The following PKNOX2 variants were observed in gnomAD, a reference collection of about 807,000 sequenced individuals.
The protein encoded by PKNOX2 is homeobox protein PKNOX2.
Under a neutral mutation model 53.1 loss-of-function variants are expected in PKNOX2, and 14 were observed. The observed-to-expected ratio is 0.26, with a 90% CI of 0.17 to 0.41. The LOEUF is 0.41. PKNOX2 is among the 10% of genes least tolerant of loss of function. The probability of loss-of-function intolerance (pLI) is 1.00; values close to 1 mark genes in which losing one functional copy is unlikely to be tolerated. For missense variants in PKNOX2, 496 were observed against 602.8 expected (o/e 0.82, Z 1.85); for synonymous variants, 257 against 242.8 (o/e 1.06, Z -0.54).
intron 1 of PKNOX2, among the ~76,000 whole-genome samples, chr11:125,200,301 C>A (rs7104313): frequency 0.19 from 28,588 of 152,108 alleles, 2,693 homozygotes; most frequent in African/African-American, 0.2. Context: ...TAGAAAGGAC[C>A]AGGCCAGCTT....
At chr11:125,419,265 G>A (rs1003157556) in intron 10 of PKNOX2, among the ~76,000 whole-genome samples, 3 of 151,836 alleles carry the variant, frequency 2.0e-5, no homozygotes, top group East Asian at 1.9e-4. Flanking sequence ...CTCATAGGTT[G>A]TTGTGAGAAT....
At chr11:125,411,353 G>A (rs148149384) in intron 9 of PKNOX2, 27 of 363,222 alleles carry the variant, frequency 7.4e-5, no homozygotes, top group Non-Finnish European at 1.3e-4. Context: ...GGATAGGAAA[G>A]TGCTTTGCAA....
chr11:125,213,688 GC>G (rs1209706557), intron 1 of PKNOX2, among the ~76,000 whole-genome samples: 1 of 152,044 alleles, frequency 6.6e-6, no homozygotes, highest in Non-Finnish European at 1.5e-5. Flanking sequence ...GAACTCTTGG[GC>G]TCAAGTGATC....
intron 3 of PKNOX2, among the ~76,000 whole-genome samples, chr11:125,340,630 A>G (rs1165566389): frequency 6.6e-6 from 1 of 152,192 alleles, no homozygotes; most frequent in Non-Finnish European, 1.5e-5. Context: ...GTTGTTATTA[A>G]TTCTATATTA....
chr11:125,348,792 T>C (rs1296041007), intron 3 of PKNOX2, among the ~76,000 whole-genome samples: 2 of 152,212 alleles, frequency 1.3e-5, no homozygotes, highest in Non-Finnish European at 2.9e-5. Flanking sequence ...TTCCTTTGTT[T>C]TGCCTTCATT....
At chr11:125,181,710 C>T (rs1309407018) in intron 1 of PKNOX2, among the ~76,000 whole-genome samples, 4 of 152,178 alleles carry the variant, frequency 2.6e-5, no homozygotes, top group Admixed American at 2.6e-4. Flanking sequence ...TCTTGGTGAG[C>T]CCCTCAGGAT....
intron 2 of PKNOX2, among the ~76,000 whole-genome samples, chr11:125,267,569 T>A (rs1286196373): frequency 6.6e-6 from 1 of 152,240 alleles, no homozygotes; most frequent in Non-Finnish European, 1.5e-5. Flanking sequence ...TTTAAAGGGA[T>A]GGCCTGACTC....
intron 2 of PKNOX2, among the ~76,000 whole-genome samples, chr11:125,320,238 T>C (rs1203106222): frequency 1.3e-5 from 2 of 152,246 alleles, no homozygotes; most frequent in Admixed American, 6.5e-5. Context: ...CTAGGAACCA[T>C]AGAAATAAGC....
chr11:125,256,033 C>G (rs983312651), intron 2 of PKNOX2, among the ~76,000 whole-genome samples: 1 of 151,988 alleles, frequency 6.6e-6, no homozygotes, highest in African/African-American at 2.4e-5. Flanking sequence ...CTCTGATGCT[C>G]CTCGGCCCTG....
chr11:125,398,125 G>A lies in PKNOX2; in HGVS notation c.588+63G>A, dbSNP rs377055199. ...CTCCTAAGCCCAGCTCTGGAGCCAC[G>A]CGTGGAGGAAGGTCCCCTGGTGACC... On this transcript the variant is annotated intron_variant, in intron 7 of 12. Coordinates refer to ENST00000298282, the MANE Select transcript of PKNOX2 (RefSeq NM_001382323.2). The A allele has an allele frequency of 2.2e-4, 326 of 1,503,548 alleles. 1 individual carries two copies. The highest frequency in any genetic ancestry group is 9.5e-4 in the African/African-American group (68 of 71,470). 93.1% of individuals were successfully genotyped at this position (1,503,548 alleles called of 1,614,324 possible).
chr11:125,228,046 G>GGCAT (rs60016031), intron 1 of PKNOX2, among the ~76,000 whole-genome samples: 25,280 of 152,066 alleles, frequency 0.17, 2,700 homozygotes, highest in East Asian at 0.26. Flanking sequence ...TCAGTGGCAT[G>GGCAT]GCATGACCTT....
At chr11:125,296,554 T>C (rs916733944) in intron 2 of PKNOX2, among the ~76,000 whole-genome samples, 2 of 152,212 alleles carry the variant, frequency 1.3e-5, no homozygotes, top group African/African-American at 2.4e-5. Context: ...TGACTCCTGG[T>C]GCTCTTGATC....
intron 1 of PKNOX2, among the ~76,000 whole-genome samples, chr11:125,195,536 G>C (rs1159578707): frequency 6.6e-6 from 1 of 152,050 alleles, no homozygotes; most frequent in South Asian, 2.1e-4. Context: ...GGCCAAAAGA[G>C]GAGAGGTTTG....
At position 125,395,537 on chromosome 11, in the gene PKNOX2, C is replaced by T. The variant is rs553495664; in HGVS notation, c.400-2337C>T. Among the ~76,000 whole-genome samples the T allele has an allele frequency of 3.9e-5, 6 of 152,330 alleles. No individual in the cohort carries two copies. In the East Asian group the frequency reaches 1.2e-3, roughly 29 times the overall value. Reference sequence around the variant, plus strand: ...TGGCTGTACCATTTTACACTCTTAACAGCAATGTCTGAGTGTTCTAGTCTC... The same window carrying T: ...TGGCTGTACCATTTTACACTCTTAATAGCAATGTCTGAGTGTTCTAGTCTC... On this transcript the variant is annotated intron_variant, in intron 6 of 12. Coordinates refer to ENST00000298282, the MANE Select transcript of PKNOX2 (RefSeq NM_001382323.2).
chr11:125,222,613 A>ATG (rs796746459), intron 1 of PKNOX2, among the ~76,000 whole-genome samples: 2,068 of 99,338 alleles, frequency 0.021, 48 homozygotes, highest in African/African-American at 0.075. Context: ...GTCTGTGTGT[A>ATG]TGTGTGTGTA....
chr11:125,260,883 G>A (rs1944793542), intron 2 of PKNOX2, among the ~76,000 whole-genome samples: 1 of 152,220 alleles, frequency 6.6e-6, no homozygotes, highest in Non-Finnish European at 1.5e-5. Flanking sequence ...GAGGCCTTGT[G>A]GAGAAGTGGG....
At position 125,432,921 on chromosome 11, in the gene PKNOX2, G is replaced by T. The variant is rs898154901; in HGVS notation, c.*1529G>T. The T allele has an allele frequency of 5.2e-5, 8 of 152,766 alleles. No individual in the cohort carries two copies. The highest frequency in any genetic ancestry group is 3.4e-3 in the Middle Eastern group (1 of 294). The allele number at this position is 152,766 out of a possible 1,614,324, so 9.5% of individuals were successfully genotyped here. A position where few individuals can be genotyped will look rare whatever the true frequency, so the allele number is the denominator to read the frequency against. ...GGGGCTTCCCCTCCCCCACCTGGTT[G>T]GGGTAGAGCAAAAGGATGGTCACTC... On this transcript the variant is annotated 3_prime_UTR_variant, in exon 13 of 13. Coordinates refer to ENST00000298282, the MANE Select transcript of PKNOX2 (RefSeq NM_001382323.2).
At position 125,211,640 on chromosome 11, in the gene PKNOX2, G is replaced by C. The variant is rs535868593; in HGVS notation, c.-200-23405G>C. ...AATGTGGCCTTGGTCTTCTGGGCCT[G>C]CCCTCCTGGCCCCTGCAGCTTCCAG... On this transcript the variant is annotated intron_variant, in intron 1 of 12. Coordinates refer to ENST00000298282, the MANE Select transcript of PKNOX2 (RefSeq NM_001382323.2). Among the ~76,000 whole-genome samples the C allele has an allele frequency of 1.2e-4, 19 of 152,238 alleles. No homozygotes were observed. In the East Asian group the frequency reaches 3.7e-3, roughly 29 times the overall value.
intron 1 of PKNOX2, among the ~76,000 whole-genome samples, chr11:125,169,403 G>A (rs118104332): frequency 2.0e-5 from 3 of 152,308 alleles, no homozygotes; most frequent in East Asian, 1.9e-4. Context: ...GGATTGTTGC[G>A]ATGGGGATCT....
Sources: gnomAD v4.1 joint callset for allele counts (sites outside exome capture counted in the v4.1 genomes callset) on GRCh38, gnomAD v4.1.1 for gene constraint, MANE v1.5 for transcripts, NCBI Gene and HGNC (gene_info 2026-07-23, HGNC 2026-07-21) for gene names.